The following NRXN3 variants were observed in gnomAD, a reference collection of about 807,000 sequenced individuals.
The protein encoded by NRXN3 is neurexin III.
A neutral mutation model predicts 137.6 loss-of-function variants in NRXN3; 32 were observed. The observed-to-expected ratio is 0.23, with a 90% CI of 0.18 to 0.31. The LOEUF (loss-of-function observed/expected upper bound fraction) is 0.31, where lower values mean the gene tolerates loss of function less well. Among genes scored for constraint, NRXN3 ranks in the 10% least tolerant of loss-of-function variants. NRXN3 has a pLI of 1.00. For synonymous variants in NRXN3, 798 were observed against 784.5 expected, an observed-to-expected ratio of 1.02 and a Z score of -0.29; for missense variants, 1,574 against 2,062.5, an observed-to-expected ratio of 0.76 and a Z score of 4.59.
chr14:79,343,385 T>G (rs2092709032), intron 15 of NRXN3, among the ~76,000 whole-genome samples: 1 of 152,292 alleles, frequency 6.6e-6, no homozygotes, highest in African/African-American at 2.4e-5. Context: ...CAAGGACAGC[T>G]TGGAGGTTAG....
chr14:79,491,075 C>T (rs11850075), intron 16 of NRXN3, among the ~76,000 whole-genome samples: 81,013 of 151,872 alleles, frequency 0.53, 24,398 homozygotes, highest in African/African-American at 0.84. Flanking sequence ...TGAGTATGTG[C>T]GTGTGTGTGT....
chr14:78,699,204 G>C (rs959008376), intron 6 of NRXN3, among the ~76,000 whole-genome samples: 8 of 150,270 alleles, frequency 5.3e-5, no homozygotes, highest in African/African-American at 2.0e-4. Flanking sequence ...CTGTGGGTGG[G>C]AATGGAGTGG....
chr14:78,704,413 G>T (rs2098324375), intron 6 of NRXN3, among the ~76,000 whole-genome samples: 1 of 152,132 alleles, frequency 6.6e-6, no homozygotes, highest in Non-Finnish European at 1.5e-5. Context: ...AGGCACTGCA[G>T]CCTAGGAAAC....
At chr14:79,762,081 G>T (rs1339036739) in intron 19 of NRXN3, among the ~76,000 whole-genome samples, 1 of 151,568 alleles carries the variant, frequency 6.6e-6, no homozygotes, top group Non-Finnish European at 1.5e-5. Context: ...TTGGAAACAA[G>T]GTTAGGGGGA....
At chr14:79,848,541 CA>C (rs749506902) in intron 20 of NRXN3, among the ~76,000 whole-genome samples, 12 of 152,046 alleles carry the variant, frequency 7.9e-5, no homozygotes, top group Non-Finnish European at 1.6e-4. Context: ...CCAGGGAAGC[CA>C]AAAGATTGAA....
intron 4 of NRXN3, among the ~76,000 whole-genome samples, chr14:78,350,976 T>TA (rs11346211): frequency 6.6e-6 from 1 of 152,062 alleles, no homozygotes; most frequent in Non-Finnish European, 1.5e-5. Context: ...TTATAAAAAT[T>TA]AAAAAAAATT....
intron 4 of NRXN3, among the ~76,000 whole-genome samples, chr14:78,330,473 T>C (rs988196986): frequency 1.4e-4 from 22 of 152,166 alleles, no homozygotes; most frequent in African/African-American, 5.3e-4. Context: ...CTCTAACGCC[T>C]TTCCCAAACA....
intron 4 of NRXN3, among the ~76,000 whole-genome samples, chr14:78,583,895 C>T (rs1324285337): frequency 6.6e-6 from 1 of 152,182 alleles, no homozygotes; most frequent in East Asian, 1.9e-4. Context: ...ACATAACATA[C>T]TGTCTGCCAC....
intron 10 of NRXN3, among the ~76,000 whole-genome samples, chr14:78,893,609 A>G (rs1332224381): frequency 6.6e-6 from 1 of 151,954 alleles, no homozygotes; most frequent in Admixed American, 6.6e-5. Context: ...CCACATCCTA[A>G]TGGAATTGCA....
chr14:78,600,730 G>A (rs1036571857), intron 4 of NRXN3, among the ~76,000 whole-genome samples: 1 of 152,144 alleles, frequency 6.6e-6, no homozygotes, highest in Non-Finnish European at 1.5e-5. Flanking sequence ...TGTGTCCCCA[G>A]CTTTCTATTA....
At chr14:78,320,069 G>T (rs2079144409) in intron 4 of NRXN3, among the ~76,000 whole-genome samples, 1 of 152,144 alleles carries the variant, frequency 6.6e-6, no homozygotes, top group African/African-American at 2.4e-5. Flanking sequence ...CCAGCTGGCG[G>T]TGGCCTTGGT....
intron 16 of NRXN3, among the ~76,000 whole-genome samples, chr14:79,538,330 C>A (rs543802640): frequency 4.6e-5 from 7 of 152,146 alleles, no homozygotes; most frequent in Non-Finnish European, 1.0e-4. Flanking sequence ...GCTTTTGTTG[C>A]CATTGCTTTT....
chr14:78,501,283 G>T (rs1025606214), intron 4 of NRXN3, among the ~76,000 whole-genome samples: 3 of 152,140 alleles, frequency 2.0e-5, no homozygotes, highest in Non-Finnish European at 4.4e-5. Context: ...CATCCTAAGG[G>T]TCGACTGGCA....
At chr14:79,721,588 A>G (rs2098844824) in intron 19 of NRXN3, among the ~76,000 whole-genome samples, 1 of 152,120 alleles carries the variant, frequency 6.6e-6, no homozygotes, top group African/African-American at 2.4e-5. Flanking sequence ...ATGACTTCGG[A>G]AAAAAGATTA....
Position 78,840,760 on chromosome 14 carries a change from C to A in NRXN3, c.2275+30416C>A, listed in dbSNP as rs564576437. ...CATTCGCTCCATTAGCCCAGGCAAG[C>A]CACACGGTAATGCATCACTCGAAGA... On this transcript the variant is annotated intron_variant, in intron 10 of 20. Coordinates refer to ENST00000335750, the MANE Select transcript of NRXN3 (RefSeq NM_001330195.2). 2.0e-5 allele frequency among the ~76,000 whole-genome samples: 3 copies of A among 152,224 alleles called. No individual in the cohort carries two copies. In the East Asian group the frequency reaches 5.8e-4, roughly 29 times the overall value.
Position 78,912,727 on chromosome 14 carries a change from G to T in NRXN3, c.2276-44515G>T, listed in dbSNP as rs193270383. ...AAATGTGGGCAGCAGACCATTCAAA[G>T]TAAGATTATCTGGAAAGTGCTTGGA... is the stretch of plus-strand genomic sequence containing the variant. On this transcript the variant is annotated intron_variant, in intron 10 of 20. Transcript: ENST00000335750. Among the ~76,000 whole-genome samples, 31 of 152,278 alleles carry T rather than the reference G, an allele frequency of 2.0e-4. No individual in the cohort carries two copies. The East Asian group carries it at 5.2e-3, about 26-fold the overall frequency.
At chr14:78,508,876 C>T (rs560156386) in intron 4 of NRXN3, among the ~76,000 whole-genome samples, 5 of 152,196 alleles carry the variant, frequency 3.3e-5, no homozygotes, top group Non-Finnish European at 4.4e-5. Flanking sequence ...AGATTTTAAG[C>T]AACTAATCAA....
chr14:78,808,235 A>G (rs188057090), intron 9 of NRXN3, among the ~76,000 whole-genome samples: 2 of 152,284 alleles, frequency 1.3e-5, no homozygotes, highest in African/African-American at 2.4e-5. Context: ...AAGCTCTTAC[A>G]TTGGTTTAAA....
At chr14:78,337,607 G>T (rs1294262539) in intron 4 of NRXN3, among the ~76,000 whole-genome samples, 1 of 152,132 alleles carries the variant, frequency 6.6e-6, no homozygotes, top group African/African-American at 2.4e-5. Context: ...TGTGCATAGG[G>T]CTTGCTCTGG....
Sources: gnomAD v4.1 joint callset for allele counts (sites outside exome capture counted in the v4.1 genomes callset) on GRCh38, gnomAD v4.1.1 for gene constraint, MANE v1.5 for transcripts, NCBI Gene and HGNC (gene_info 2026-07-23, HGNC 2026-07-21) for gene names.